Variants in DCBLD1 observed in about 807,000 individuals in gnomAD.
DCBLD1 encodes discoidin, CUB and LCCL domain containing 1.
DCBLD1 carries 57 observed loss-of-function variants against 71.5 expected under a neutral mutation model. That is an observed-to-expected ratio of 0.80 (90% CI 0.64 to 0.99). DCBLD1 has a LOEUF of 0.99. Ranked by LOEUF, DCBLD1 falls within the 50% of genes least tolerant of loss-of-function variation. DCBLD1 has a pLI of 0.00. For synonymous variants in DCBLD1, 380 were observed against 363.8 expected (o/e 1.04, Z -0.51); for missense variants, 891 against 923.5 (o/e 0.96, Z 0.46).
chr6:117,548,690 A>G lies in DCBLD1; in HGVS notation c.*251A>G. The G allele has an allele frequency of 2.9e-6, 4 of 1,398,734 alleles. No homozygotes were observed. The highest frequency in any genetic ancestry group is 3.7e-6 in the Non-Finnish European group (4 of 1,080,756). 86.6% of individuals were successfully genotyped at this position (1,398,734 alleles called of 1,614,324 possible). ...GGGCTAGAAAAATGAAAATTTTCAG[A>G]TGGCGTTTTCATTCCTCTGACTGAT... On this transcript the variant is annotated 3_prime_UTR_variant, in exon 15 of 15. Coordinates refer to ENST00000338728, the MANE Select transcript of DCBLD1 (RefSeq NM_001366458.2).
At chr6:117,563,903 A>G (rs1779640608) in intron 14 of DCBLD1, among the ~76,000 whole-genome samples, 1 of 152,066 alleles carries the variant, frequency 6.6e-6, no homozygotes, top group Non-Finnish European at 1.5e-5. Context: ...AATATTGTAC[A>G]GATTTAAAAA....
intron 3 of DCBLD1, 75 bp downstream of exon 3, chr6:117,520,025 C>G: frequency 6.3e-7 from 1 of 1,587,662 alleles, no homozygotes; most frequent in Non-Finnish European, 8.6e-7. Context: ...ATCCCCATCC[C>G]TGGACATAAT....
chr6:117,566,418 A>AT (rs961879462), intron 14 of DCBLD1, among the ~76,000 whole-genome samples: 40 of 152,318 alleles, frequency 2.6e-4, no homozygotes, highest in African/African-American at 9.6e-4. Context: ...CCCCAAGATA[A>AT]TATAAGTTGA....
chr6:117,548,388 C>CA lies in DCBLD1; in HGVS notation c.2098dup (p.Arg700LysfsTer21), dbSNP rs1182237910. The CA allele has an allele frequency of 1.3e-6, 2 of 1,550,616 alleles. No individual in the cohort carries two copies. Among genetic ancestry groups the CA allele is most frequent in the African/African-American group, 2.7e-5 (2 of 73,068 alleles). ...GGACGAGTGACAGCTATTCTGCCCC[C>CA]AGAGACTGCCTCACACCCCTCAACC... On this transcript the variant is annotated frameshift_variant, in exon 15 of 15. Transcript: ENST00000338728. LOFTEE classifies it high-confidence loss of function.
chr6:117,541,643 A>G (rs1028361760), intron 11 of DCBLD1, among the ~76,000 whole-genome samples: 2 of 152,226 alleles, frequency 1.3e-5, no homozygotes, highest in East Asian at 1.9e-4. Context: ...AATAATTTGC[A>G]TATCAATTTT....
At chr6:117,544,403 C>A in intron 12 of DCBLD1, 125 bp from the exon 13 acceptor site, 1 of 746,314 alleles carries the variant, frequency 1.3e-6, no homozygotes, top group South Asian at 3.6e-5. Context: ...ATGGCAGCTG[C>A]CATCTCATTT....
intron 1 of DCBLD1, among the ~76,000 whole-genome samples, chr6:117,499,011 T>C (rs1777560107): frequency 6.6e-6 from 1 of 152,152 alleles, no homozygotes; most frequent in African/African-American, 2.4e-5. Context: ...TAAACACTTT[T>C]TTGTGTGTGC....
chr6:117,514,623 A>G (rs1295244724), intron 2 of DCBLD1, among the ~76,000 whole-genome samples: 2 of 151,680 alleles, frequency 1.3e-5, no homozygotes, highest in Admixed American at 6.6e-5. Context: ...CTCAATGATG[A>G]TATTTATATA....
intron 4 of DCBLD1, 95 bp downstream of exon 4, chr6:117,521,671 T>C (rs1313153281): frequency 3.7e-6 from 4 of 1,075,426 alleles, no homozygotes; most frequent in Admixed American, 2.7e-5. Flanking sequence ...CTTAAAGCTC[T>C]TTTTACCATT....
chr6:117,490,117 A>C (rs939865367), intron 1 of DCBLD1, among the ~76,000 whole-genome samples: 1 of 151,936 alleles, frequency 6.6e-6, no homozygotes, highest in Non-Finnish European at 1.5e-5. Flanking sequence ...ACACACACAC[A>C]CACACACCCC....
At chr6:117,510,208 A>G (rs1777971132) in intron 2 of DCBLD1, among the ~76,000 whole-genome samples, 1 of 152,124 alleles carries the variant, frequency 6.6e-6, no homozygotes, top group Non-Finnish European at 1.5e-5. Context: ...CTTCATCTCC[A>G]TGCCATTTCC....
intron 1 of DCBLD1, among the ~76,000 whole-genome samples, chr6:117,486,378 T>C (rs1777086159): frequency 6.6e-6 from 1 of 152,242 alleles, no homozygotes; most frequent in African/African-American, 2.4e-5. Context: ...GAGCAATTAG[T>C]TGTTTTTCTT....
In DCBLD1 at chr6:117,541,104, C is replaced by A. The variant is rs914743732; in HGVS notation, c.1357+79C>A. 1.4e-5 allele frequency: 19 copies of A among 1,391,262 alleles called. No homozygotes were observed. In the Admixed American group the frequency reaches 3.0e-4, roughly 22 times the overall value. The allele number at this position is 1,391,262 out of a possible 1,614,324, so 86.2% of individuals were successfully genotyped here. ...AATATCAGTAACTTCAACAAAATTT[C>A]TTTTTCTCTGTCATATAAACATTGG... is the stretch of plus-strand genomic sequence containing the variant. On this transcript the variant is annotated intron_variant, in intron 11 of 14. Coordinates refer to ENST00000338728, the MANE Select transcript of DCBLD1 (RefSeq NM_001366458.2).
chr6:117,515,443 A>G (rs1778163331), intron 2 of DCBLD1, among the ~76,000 whole-genome samples: 1 of 152,198 alleles, frequency 6.6e-6, no homozygotes, highest in African/African-American at 2.4e-5. Context: ...TGATTTGAAA[A>G]TATTCTAACT....
Position 117,548,532 on chromosome 6 carries a change from G to A in DCBLD1, c.*93G>A. ...GCCTGCTGGTCCAGAGTGTGCGTGT[G>A]TATCGGTGTGTGTGTACACTTGCAT... On this transcript the variant is annotated 3_prime_UTR_variant, in exon 15 of 15. Transcript: ENST00000338728. 6.6e-7 allele frequency: 1 copy of A among 1,515,830 alleles called. No individual in the cohort carries two copies. The highest frequency in any genetic ancestry group is 1.4e-5 in the African/African-American group (1 of 72,570). The allele number at this position is 1,515,830 out of a possible 1,614,324, so 93.9% of individuals were successfully genotyped here. A position where few individuals can be genotyped will look rare whatever the true frequency, so the allele number is the denominator to read the frequency against.
At position 117,501,333 on chromosome 6, in the gene DCBLD1, ATTG is replaced by A. The variant is rs550073025; in HGVS notation, c.113-2415_113-2413del. Among the ~76,000 whole-genome samples, 140 of 80,434 alleles carry A rather than the reference ATTG, an allele frequency of 1.7e-3. 1 individual carries two copies. The highest frequency in any genetic ancestry group is 0.014 in the South Asian group (44 of 3,144). The allele number at this position is 80,434 out of a possible 152,430, so 52.8% of individuals were successfully genotyped here. A position where few individuals can be genotyped will look rare whatever the true frequency, so the allele number is the denominator to read the frequency against. Reference sequence around the variant, plus strand: ...GTGGTTGTCACGTCTTTCAGTTGTCATTGTTGTTGTTGTTGTTGTTGAGACGGA... The same window carrying A: ...GTGGTTGTCACGTCTTTCAGTTGTCATTGTTGTTGTTGTTGTTGAGACGGA... On this transcript the variant is annotated intron_variant, in intron 1 of 14. Transcript: ENST00000338728.
At chr6:117,537,622 G>GTT (rs1554267050) in intron 7 of DCBLD1, among the ~76,000 whole-genome samples, 1 of 30,118 alleles carries the variant, frequency 3.3e-5, no homozygotes, top group African/African-American at 1.0e-4. Flanking sequence ...TTAAAAGGTT[G>GTT]TTTTTTTTTT....
intron 14 of DCBLD1, among the ~76,000 whole-genome samples, chr6:117,566,593 A>G (rs1022515069): frequency 2.0e-5 from 3 of 152,136 alleles, no homozygotes; most frequent in Non-Finnish European, 4.4e-5. Context: ...TCTAGAAAAA[A>G]TTTTATTTAT....
At chr6:117,524,144 A>G (rs980798747) in intron 4 of DCBLD1, among the ~76,000 whole-genome samples, 3 of 151,864 alleles carry the variant, frequency 2.0e-5, no homozygotes, top group Non-Finnish European at 2.9e-5. Context: ...ACCACATACT[A>G]TGACATGTTT....
Sources: gnomAD v4.1 joint callset for allele counts (sites outside exome capture counted in the v4.1 genomes callset) on GRCh38, gnomAD v4.1.1 for gene constraint, MANE v1.5 for transcripts, NCBI Gene and HGNC (gene_info 2026-07-23, HGNC 2026-07-21) for gene names.